CDK14: variants seen among roughly 807,000 people sequenced by gnomAD.
CDK14 encodes cyclin dependent kinase 14, also known as cyclin-dependent kinase 14.
In CDK14, 34 loss-of-function variants were observed where a neutral mutation model predicts 60.7. The observed-to-expected ratio is 0.56, with a 90% CI of 0.43 to 0.75. The LOEUF (loss-of-function observed/expected upper bound fraction) is 0.75. CDK14 is among the 30% of genes least tolerant of loss of function. CDK14 has a pLI of 0.00. For synonymous variants in CDK14, 197 were observed against 203.7 expected (o/e 0.97, Z 0.28); for missense variants, 482 against 564.1 (o/e 0.85, Z 1.47).
chr7:91,011,281 G>A (rs758684457), intron 10 of CDK14, among the ~76,000 whole-genome samples: 1 of 152,020 alleles, frequency 6.6e-6, no homozygotes, highest in Non-Finnish European at 1.5e-5. Context: ...ATAGGGGAGA[G>A]GGTTGGGAAT....
intron 10 of CDK14, among the ~76,000 whole-genome samples, chr7:91,024,961 C>T (rs535055274): frequency 7.9e-5 from 12 of 152,140 alleles, no homozygotes; most frequent in South Asian, 2.1e-4. Context: ...ACTCCAAATG[C>T]GATCCAGCCA....
intron 11 of CDK14, among the ~76,000 whole-genome samples, chr7:91,074,932 T>G (rs1798252324): frequency 6.6e-6 from 1 of 151,948 alleles, no homozygotes; most frequent in African/African-American, 2.4e-5. Context: ...CCTCTCAAGA[T>G]TAAACCAGGA....
At chr7:91,199,003 C>A (rs1231090338) in intron 14 of CDK14, among the ~76,000 whole-genome samples, 2 of 152,108 alleles carry the variant, frequency 1.3e-5, no homozygotes, top group Non-Finnish European at 2.9e-5. Flanking sequence ...AAAATGCACA[C>A]TCTGGGGAGT....
At chr7:90,824,800 G>A (rs959511198) in intron 5 of CDK14, 1 of 152,188 alleles carries the variant, frequency 6.6e-6, no homozygotes, top group Non-Finnish European at 1.5e-5. Flanking sequence ...TCAAGTAATA[G>A]ATGTGGTGAT....
chr7:90,596,470 C>T lies in CDK14; in HGVS notation c.-158C>T, dbSNP rs1235733726. The T allele has an allele frequency of 9.0e-6, 5 of 556,086 alleles. No homozygotes were observed. The highest frequency in any genetic ancestry group is 1.3e-5 in the Non-Finnish European group (4 of 316,990). The allele number at this position is 556,086 out of a possible 1,614,324, so 34.4% of individuals were successfully genotyped here. Reference sequence around the variant, plus strand: ...AGCGGAGCCTGCCGTCCTCCGCCTGCCTGCTGCTCGCCTCCCTAGACCTGC... The same window carrying T: ...AGCGGAGCCTGCCGTCCTCCGCCTGTCTGCTGCTCGCCTCCCTAGACCTGC... On this transcript the variant is annotated 5_prime_UTR_variant, in exon 1 of 15. Transcript: ENST00000380050.
At chr7:90,711,525 G>A (rs997375400) in intron 2 of CDK14, among the ~76,000 whole-genome samples, 7 of 151,836 alleles carry the variant, frequency 4.6e-5, no homozygotes, top group African/African-American at 9.7e-5. Context: ...GTAAGTTTGC[G>A]AAAAGTAATT....
rs569128304 is a variant in CDK14, at chr7:90,660,576, C to A, written c.123+56327C>A. Among the ~76,000 whole-genome samples the A allele has an allele frequency of 2.6e-5, 4 of 152,302 alleles. No individual in the cohort carries two copies. The South Asian group carries it at 8.3e-4, about 32-fold the overall frequency. On this transcript the variant is annotated intron_variant, in intron 2 of 14. Transcript: ENST00000380050. Reference sequence around the variant, plus strand: ...GCAGTGAGAAGATAAAAGAGAATTTCTGGTGTCAAAATGTGACGAACTAAC... The same window carrying A: ...GCAGTGAGAAGATAAAAGAGAATTTATGGTGTCAAAATGTGACGAACTAAC...
At chr7:90,881,436 A>G (rs1313413713) in intron 6 of CDK14, among the ~76,000 whole-genome samples, 2 of 152,202 alleles carry the variant, frequency 1.3e-5, no homozygotes, top group Admixed American at 1.3e-4. Flanking sequence ...ATGAGTCTTC[A>G]TAAAAAGACC....
At chr7:90,891,136 A>G (rs1792110681) in intron 6 of CDK14, among the ~76,000 whole-genome samples, 1 of 152,144 alleles carries the variant, frequency 6.6e-6, no homozygotes, top group South Asian at 2.1e-4. Context: ...AATAGAAATT[A>G]TTGCCCTTTT....
intron 2 of CDK14, among the ~76,000 whole-genome samples, chr7:90,630,990 TTA>T: frequency 6.6e-6 from 1 of 151,944 alleles, no homozygotes. Context: ...ATTTTGGACT[TTA>T]TGTTGTTTTT....
chr7:90,596,741 C>T (rs753055390), intron 1 of CDK14, 23 bp downstream of exon 1: 3 of 1,562,960 alleles, frequency 1.9e-6, no homozygotes, highest in East Asian at 2.3e-5. Flanking sequence ...CTGCCCCCGG[C>T]CCCCCCAGCG....
At chr7:90,766,766 G>T (rs371180533) in intron 4 of CDK14, among the ~76,000 whole-genome samples, 3 of 152,120 alleles carry the variant, frequency 2.0e-5, no homozygotes, top group Non-Finnish European at 4.4e-5. Context: ...CACTCGGGGG[G>T]CCATAGGCAG....
intron 6 of CDK14, among the ~76,000 whole-genome samples, chr7:90,898,959 T>G (rs1792418672): frequency 6.6e-6 from 1 of 152,026 alleles, no homozygotes; most frequent in Non-Finnish European, 1.5e-5. Context: ...ACATTATAAT[T>G]GCATTGGTTA....
At chr7:91,142,513 G>T (rs542276119) in intron 14 of CDK14, among the ~76,000 whole-genome samples, 4 of 152,338 alleles carry the variant, frequency 2.6e-5, no homozygotes, top group Admixed American at 2.0e-4. Flanking sequence ...GCCTTTTGTT[G>T]TAAGAAGAAT....
chr7:91,173,924 G>A (rs1801624716), intron 14 of CDK14, among the ~76,000 whole-genome samples: 1 of 152,250 alleles, frequency 6.6e-6, no homozygotes, highest in African/African-American at 2.4e-5. Flanking sequence ...AAACAAAGCA[G>A]CCAGGAAGCT....
At chr7:91,019,676 G>A (rs1796388559) in intron 10 of CDK14, among the ~76,000 whole-genome samples, 1 of 152,046 alleles carries the variant, frequency 6.6e-6, no homozygotes. Flanking sequence ...TCAAAATTAT[G>A]ATATTTGATA....
intron 4 of CDK14, among the ~76,000 whole-genome samples, chr7:90,771,178 A>T (rs542372233): frequency 6.6e-5 from 10 of 152,286 alleles, no homozygotes; most frequent in Admixed American, 2.0e-4. Context: ...TTCCCCATGC[A>T]ATTGTCTTGA....
At chr7:90,698,881 G>A (rs1052814734) in intron 2 of CDK14, among the ~76,000 whole-genome samples, 57 of 152,016 alleles carry the variant, frequency 3.7e-4, no homozygotes, top group African/African-American at 1.1e-3. Context: ...GTTCTCTCTC[G>A]ACTCTTACCC....
chr7:90,967,420 G>A (rs1794785136), intron 9 of CDK14, among the ~76,000 whole-genome samples: 1 of 152,160 alleles, frequency 6.6e-6, no homozygotes, highest in Admixed American at 6.6e-5. Context: ...TCTTTGTCAT[G>A]TAGACATTTG....
Sources: allele counts gnomAD v4.1 joint callset (sites outside exome capture counted in the v4.1 genomes callset), GRCh38; gene constraint gnomAD v4.1.1; transcripts MANE v1.5; gene names NCBI Gene and HGNC (gene_info 2026-07-23, HGNC 2026-07-21).